CNTN5: variants seen among roughly 807,000 people sequenced by gnomAD.
CNTN5 encodes the protein contactin-5.
Under a neutral mutation model 129.1 loss-of-function variants are expected in CNTN5, and 77 were observed. That is an observed-to-expected ratio of 0.60 (90% CI 0.50 to 0.72). The LOEUF is 0.72. Among genes scored for constraint, CNTN5 ranks in the 30% least tolerant of loss-of-function variants. CNTN5 has a pLI of 0.00. For missense variants in CNTN5, 1,478 were observed against 1,328.8 expected (o/e 1.11, Z -1.75); for synonymous variants, 509 against 465.6 (o/e 1.09, Z -1.20).
At chr11:100,015,594 G>T (rs10501939) in intron 9 of CNTN5, among the ~76,000 whole-genome samples, 9,660 of 152,138 alleles carry the variant, frequency 0.063, 415 homozygotes, top group East Asian at 0.18. Flanking sequence ...TGTATATTTA[G>T]CACACATCAG....
intron 2 of CNTN5, among the ~76,000 whole-genome samples, chr11:99,507,269 C>T (rs902992069): frequency 6.8e-6 from 1 of 147,218 alleles, no homozygotes; most frequent in African/African-American, 2.5e-5. Flanking sequence ...CCCAGCTACT[C>T]GGGAGGCTGA....
At chr11:99,361,447 T>C (rs1939105716) in intron 2 of CNTN5, among the ~76,000 whole-genome samples, 1 of 152,188 alleles carries the variant, frequency 6.6e-6, no homozygotes, top group Non-Finnish European at 1.5e-5. Context: ...GATTTGATCA[T>C]ATCAGGGATT....
At chr11:100,309,080 C>A (rs1951415335) in intron 21 of CNTN5, 2 of 984,898 alleles carry the variant, frequency 2.0e-6, no homozygotes, top group Admixed American at 1.2e-4. Flanking sequence ...TTTATGATAA[C>A]AAGGTTTGGC....
chr11:99,955,568 C>CT (rs77724981), intron 7 of CNTN5, among the ~76,000 whole-genome samples: 3,294 of 150,426 alleles, frequency 0.022, 120 homozygotes, highest in East Asian at 0.18. Flanking sequence ...GTAATTTCCC[C>CT]TTTTTTTTTG....
chr11:100,260,684 A>T (rs538528136), intron 17 of CNTN5, among the ~76,000 whole-genome samples: 1 of 152,210 alleles, frequency 6.6e-6, no homozygotes, highest in Admixed American at 6.5e-5. Flanking sequence ...AACAGAATCA[A>T]TGACAAAAAC....
At chr11:99,684,841 T>A (rs1246468734) in intron 3 of CNTN5, among the ~76,000 whole-genome samples, 6 of 151,632 alleles carry the variant, frequency 4.0e-5, no homozygotes, top group Non-Finnish European at 8.9e-5. Flanking sequence ...TATCTTCTCT[T>A]TCTCTTTTTT....
chr11:99,417,447 A>G (rs1386420992), intron 2 of CNTN5, among the ~76,000 whole-genome samples: 3 of 152,192 alleles, frequency 2.0e-5, no homozygotes, highest in South Asian at 2.1e-4. Context: ...TTCACAATGT[A>G]CCGTCAACTT....
intron 1 of CNTN5, among the ~76,000 whole-genome samples, chr11:99,028,762 A>G (rs1044236096): frequency 1.3e-5 from 2 of 151,952 alleles, no homozygotes; most frequent in African/African-American, 2.4e-5. Context: ...TCTATATGTT[A>G]TAAATAAGAC....
chr11:99,359,001 G>C (rs925350643), intron 2 of CNTN5, among the ~76,000 whole-genome samples: 3 of 152,114 alleles, frequency 2.0e-5, no homozygotes, highest in African/African-American at 7.2e-5. Context: ...TTATATTTCA[G>C]TGTTACATTT....
In CNTN5 at chr11:99,269,077, T is replaced by A. The variant is rs565500427; in HGVS notation, c.-209-56269T>A. Among the ~76,000 whole-genome samples the A allele has an allele frequency of 1.5e-4, 23 of 152,062 alleles. 1 individual carries two copies. The South Asian group carries it at 4.8e-3, about 31-fold the overall frequency. On this transcript the variant is annotated intron_variant, in intron 1 of 24. Transcript: ENST00000524871. Reference sequence around the variant, plus strand: ...AGATTTCCTCTGTTTTATGTTTGTGTTAATTTAACCTGTCAAAGTTAATCA... The same window carrying A: ...AGATTTCCTCTGTTTTATGTTTGTGATAATTTAACCTGTCAAAGTTAATCA...
intron 3 of CNTN5, among the ~76,000 whole-genome samples, chr11:99,749,498 A>C (rs7123508): frequency 0.32 from 49,224 of 151,998 alleles, 9,777 homozygotes; most frequent in East Asian, 0.73. Context: ...AAAATCAAAT[A>C]TTAGATATTC....
chr11:99,858,467 A>G (rs531509387), intron 6 of CNTN5, among the ~76,000 whole-genome samples: 13 of 152,136 alleles, frequency 8.5e-5, no homozygotes, highest in Admixed American at 3.3e-4. Context: ...TCTGTGCACC[A>G]ATATGCAAGC....
chr11:99,772,806 C>T (rs1209104245), intron 3 of CNTN5, among the ~76,000 whole-genome samples: 1 of 152,014 alleles, frequency 6.6e-6, no homozygotes, highest in Non-Finnish European at 1.5e-5. Context: ...AAGGGCAGTA[C>T]TTCCAGTCTT....
chr11:99,737,119 T>C (rs947412434), intron 3 of CNTN5, among the ~76,000 whole-genome samples: 3 of 151,350 alleles, frequency 2.0e-5, no homozygotes, highest in Non-Finnish European at 2.9e-5. Context: ...TTAACCACCC[T>C]GTAACACACA....
At chr11:99,213,059 C>T (rs1185521039) in intron 1 of CNTN5, among the ~76,000 whole-genome samples, 5 of 151,534 alleles carry the variant, frequency 3.3e-5, no homozygotes. Flanking sequence ...GGCGTGGTGG[C>T]ACACACCTGT....
At chr11:99,751,971 G>A (rs946919725) in intron 3 of CNTN5, among the ~76,000 whole-genome samples, 5 of 151,996 alleles carry the variant, frequency 3.3e-5, no homozygotes, top group Admixed American at 2.6e-4. Context: ...AGTCTTCAAA[G>A]TGCCATCTTG....
intron 2 of CNTN5, among the ~76,000 whole-genome samples, chr11:99,352,117 A>C (rs1938339142): frequency 6.6e-6 from 1 of 152,220 alleles, no homozygotes; most frequent in Non-Finnish European, 1.5e-5. Flanking sequence ...GAATTCTTCA[A>C]AGTGTCAGAT....
intron 13 of CNTN5, among the ~76,000 whole-genome samples, chr11:100,176,066 C>T (rs1237283817): frequency 6.6e-6 from 1 of 152,030 alleles, no homozygotes; most frequent in African/African-American, 2.4e-5. Context: ...CTTGCCCAGG[C>T]TAGAGTGCAG....
chr11:99,874,531 G>A (rs560322575), intron 6 of CNTN5, among the ~76,000 whole-genome samples: 10 of 152,138 alleles, frequency 6.6e-5, no homozygotes, highest in East Asian at 1.9e-4. Context: ...AGCTATTGAC[G>A]GATAATACCT....
Sources: allele counts gnomAD v4.1 joint callset (sites outside exome capture counted in the v4.1 genomes callset), GRCh38; gene constraint gnomAD v4.1.1; transcripts MANE v1.5; gene names NCBI Gene and HGNC (gene_info 2026-07-23, HGNC 2026-07-21).